RFTN1: variants seen among roughly 807,000 people sequenced by gnomAD.
RFTN1 encodes the protein raftlin, lipid raft linker 1.
In RFTN1, 26 loss-of-function variants were observed where a neutral mutation model predicts 46.5. The ratio of observed to expected loss-of-function variants is 0.56; its 90% CI spans 0.41 to 0.78. RFTN1 has a LOEUF of 0.78. Among genes scored for constraint, RFTN1 ranks in the 30% least tolerant of loss-of-function variants. The pLI, the probability that RFTN1 is intolerant of heterozygous loss-of-function variation, is 0.00. For missense variants in RFTN1, 693 were observed against 718.7 expected (o/e 0.96, Z 0.41); for synonymous variants, 261 against 284.2 (o/e 0.92, Z 0.82).
chr3:16,429,342 T>C lies in RFTN1; in HGVS notation c.332+4509A>G, dbSNP rs1405534484. Among the ~76,000 whole-genome samples the C allele has an allele frequency of 2.0e-5, 3 of 152,206 alleles. No homozygotes were observed. Among genetic ancestry groups the C allele is most frequent in the Non-Finnish European group, 4.4e-5 (3 of 68,028 alleles). ...TTAGACTGTCAACGATGCTCTCCAATTACTCAAATACTACTAGAAAACATT... is the reference window on the plus strand; with the variant it reads ...TTAGACTGTCAACGATGCTCTCCAACTACTCAAATACTACTAGAAAACATT... On this transcript the variant is annotated intron_variant, in intron 3 of 9. Transcript: ENST00000334133. The surrounding 1 kb of genome is among the most constrained non-coding windows in gnomAD (Gnocchi z 6.4).
At chr3:16,439,686 G>C (rs2075583522) in intron 2 of RFTN1, among the ~76,000 whole-genome samples, 1 of 152,188 alleles carries the variant, frequency 6.6e-6, no homozygotes. Context: ...GTGGGTGGCT[G>C]GAGTGAGGAA....
rs2073930676 is a variant in RFTN1 at position 16,380,005 on chromosome 3, T to G, written c.442-1903A>C. 6.6e-6 allele frequency among the ~76,000 whole-genome samples: 1 copy of G among 152,238 alleles called. No homozygotes were observed. Among genetic ancestry groups the G allele is most frequent in the African/African-American group, 2.4e-5 (1 of 41,470 alleles). On this transcript the variant is annotated intron_variant, in intron 4 of 9. Transcript: ENST00000334133. The surrounding 1 kb of genome is among the most constrained non-coding windows in gnomAD (Gnocchi z 4.8). ...ATGAGGAGACACCTGCACTAGCTTC[T>G]GCTATTACTCTCTTACTGCAGAGGA...
intron 7 of RFTN1, chr3:16,349,871 G>C (rs565183019): frequency 5.3e-5 from 8 of 152,222 alleles, no homozygotes; most frequent in South Asian, 2.1e-4. Flanking sequence ...AGCCCAGCAG[G>C]CTGGATATTC....
In RFTN1 at chr3:16,426,145, T is replaced by C. The variant is rs538340984; in HGVS notation, c.332+7706A>G. Among the ~76,000 whole-genome samples the C allele has an allele frequency of 3.9e-5, 6 of 152,284 alleles. No homozygotes were observed. Among genetic ancestry groups the C allele is most frequent in the Non-Finnish European group, 8.8e-5 (6 of 68,026 alleles). ...CACAGTAGCACGCATCAATCAGTGCTAAACCCACCGTTACTTTCTTCCCCA... is the reference window on the plus strand; with the variant it reads ...CACAGTAGCACGCATCAATCAGTGCCAAACCCACCGTTACTTTCTTCCCCA... On this transcript the variant is annotated intron_variant, in intron 3 of 9. Coordinates refer to ENST00000334133, the MANE Select transcript of RFTN1 (RefSeq NM_015150.2). The surrounding 1 kb of genome is among the most constrained non-coding windows in gnomAD (Gnocchi z 5.9).
chr3:16,363,640 C>T (rs936182857), intron 6 of RFTN1, among the ~76,000 whole-genome samples: 6 of 152,278 alleles, frequency 3.9e-5, no homozygotes, highest in Non-Finnish European at 7.3e-5. Context: ...TCGCCAAAGT[C>T]TAGCCTGAAT....
chr3:16,493,513 G>T (rs552988952), intron 2 of RFTN1, among the ~76,000 whole-genome samples: 7 of 152,270 alleles, frequency 4.6e-5, no homozygotes, highest in Non-Finnish European at 8.8e-5. Flanking sequence ...GATTACAGGC[G>T]TGAACCACTG....
intron 2 of RFTN1, among the ~76,000 whole-genome samples, chr3:16,435,306 C>T (rs1445436829): frequency 1.3e-5 from 2 of 152,206 alleles, no homozygotes; most frequent in African/African-American, 4.8e-5. Context: ...CAGTGGCTCA[C>T]GCCTGTTATC....
chr3:16,473,553 GC>G lies in RFTN1; in HGVS notation c.145+20171del, dbSNP rs1000239978. Reference sequence around the variant, plus strand: ...GGAGCTGGGACTACAGGCATGCACCGCCCTGCCTGGCTAATTTTTTTGTATT... The same window carrying G: ...GGAGCTGGGACTACAGGCATGCACCGCCTGCCTGGCTAATTTTTTTGTATT... On this transcript the variant is annotated intron_variant, in intron 2 of 9. Coordinates refer to ENST00000334133, the MANE Select transcript of RFTN1 (RefSeq NM_015150.2). The surrounding 1 kb of genome is among the most constrained non-coding windows in gnomAD (Gnocchi z 5.3). Among the ~76,000 whole-genome samples, 6 of 151,750 alleles carry G rather than the reference GC, an allele frequency of 4.0e-5. No individual in the cohort carries two copies. Among genetic ancestry groups the G allele is most frequent in the South Asian group, 2.1e-4 (1 of 4,794 alleles).
chr3:16,476,726 G>T (rs941108714), intron 2 of RFTN1, among the ~76,000 whole-genome samples: 3 of 152,186 alleles, frequency 2.0e-5, no homozygotes, highest in Non-Finnish European at 2.9e-5. Flanking sequence ...CAATGCCACA[G>T]TCGAAGGAGA....
chr3:16,377,770 C>T lies in RFTN1; in HGVS notation c.774G>A (p.Leu258=). ...CCAAGGGGTTGCTCTCCGGTCCATC[C>T]AGTGTCTTGCTCACCCCCTGTGGTG... ...ELSPQGVSKT[L]DGPESNPLEV... The change falls in exon 5 of 10, where the codon CTG becomes CTA. Residue 258 remains leucine (L), a synonymous_variant. Transcript: ENST00000334133. 1 of 1,613,576 alleles carries T rather than the reference C, an allele frequency of 6.2e-7. No individual in the cohort carries two copies. The highest frequency in any genetic ancestry group is 1.3e-5 in the African/African-American group (1 of 75,050).
At chr3:16,453,118 T>C (rs189688551) in intron 2 of RFTN1, among the ~76,000 whole-genome samples, 5 of 152,330 alleles carry the variant, frequency 3.3e-5, no homozygotes, top group African/African-American at 1.2e-4. Flanking sequence ...TATCTCCATT[T>C]TAAAGATGAG....
Position 16,400,051 on chromosome 3 carries a change from A to G in RFTN1, c.441+9324T>C, listed in dbSNP as rs1375756414. ...CCTGCAGCCATTCTGATCTTTCCAA[A>G]GTATACATTTAGGAATCATTCTCCA... is the stretch of plus-strand genomic sequence containing the variant. On this transcript the variant is annotated intron_variant, in intron 4 of 9. Transcript: ENST00000334133. The surrounding 1 kb of genome is among the most constrained non-coding windows in gnomAD (Gnocchi z 4.5). Among the ~76,000 whole-genome samples the G allele has an allele frequency of 6.6e-6, 1 of 152,102 alleles. No homozygotes were observed. The highest frequency in any genetic ancestry group is 1.5e-5 in the Non-Finnish European group (1 of 68,010).
chr3:16,378,621 G>T (rs2073874491), intron 4 of RFTN1, among the ~76,000 whole-genome samples: 1 of 152,104 alleles, frequency 6.6e-6, no homozygotes, highest in African/African-American at 2.4e-5. Flanking sequence ...GGCAGAGAAG[G>T]GCAGAGGTGG....
At chr3:16,350,414 A>C (rs1013473547) in intron 7 of RFTN1, 1 of 152,170 alleles carries the variant, frequency 6.6e-6, no homozygotes, top group Non-Finnish European at 1.5e-5. Flanking sequence ...GGGCATTTCA[A>C]ATTGTTAACA....
chr3:16,498,096 C>T lies in RFTN1; in HGVS notation c.-8-4219G>A, dbSNP rs2076652225. On this transcript the variant is annotated intron_variant, in intron 1 of 9. Transcript: ENST00000334133. This position sits in a 1 kb window ranked among gnomAD's most constrained non-coding sequence, Gnocchi z 5.2. Reference sequence around the variant, plus strand: ...TGATATCACAGGACATAAAGGGGCTCTGGGCAAATCATCCATGTGATCAGA... The same window carrying T: ...TGATATCACAGGACATAAAGGGGCTTTGGGCAAATCATCCATGTGATCAGA... Among the ~76,000 whole-genome samples, 1 of 152,170 alleles carries T rather than the reference C, an allele frequency of 6.6e-6. No individual in the cohort carries two copies. The highest frequency in any genetic ancestry group is 2.1e-4 in the South Asian group (1 of 4,832).
chr3:16,494,994 T>G (rs916482757), intron 1 of RFTN1, among the ~76,000 whole-genome samples: 2 of 151,994 alleles, frequency 1.3e-5, no homozygotes, highest in African/African-American at 2.4e-5. Flanking sequence ...AAAAACAAAC[T>G]GAACCTCAGA....
At position 16,440,570 on chromosome 3, in the gene RFTN1, A is replaced by G. The variant is rs1033029726; in HGVS notation, c.146-6533T>C. Among the ~76,000 whole-genome samples the G allele has an allele frequency of 6.6e-6, 1 of 152,080 alleles. No individual in the cohort carries two copies. Among genetic ancestry groups the G allele is most frequent in the African/African-American group, 2.4e-5 (1 of 41,380 alleles). The stretch of plus-strand genomic sequence containing the variant: ...AGGGCTTGGTGCAGATCCCAAAGCC[A>G]TTAACAGAGGTATCTGCAGGCCAGG... On this transcript the variant is annotated intron_variant, in intron 2 of 9. Transcript: ENST00000334133. The surrounding 1 kb of genome is among the most constrained non-coding windows in gnomAD (Gnocchi z 4.6).
chr3:16,324,757 C>CT (rs1406986879), intron 8 of RFTN1, among the ~76,000 whole-genome samples: 1 of 149,380 alleles, frequency 6.7e-6, no homozygotes, highest in Non-Finnish European at 1.5e-5. Flanking sequence ...CATTTCTTAG[C>CT]TGTTGTGAAT....
rs1481567433 is a variant in RFTN1 at position 16,321,349 on chromosome 3, C to A, written c.1332+2027G>T. On this transcript the variant is annotated intron_variant, in intron 9 of 9. Transcript: ENST00000334133. This position sits in a 1 kb window ranked among gnomAD's most constrained non-coding sequence, Gnocchi z 4.8. Reference sequence around the variant, plus strand: ...GGGGCTGGGTCTGAACCCTGAGGAACTTAGTGGGAAACCAGGAGAATGAGG... The same window carrying A: ...GGGGCTGGGTCTGAACCCTGAGGAAATTAGTGGGAAACCAGGAGAATGAGG... Among the ~76,000 whole-genome samples the A allele has an allele frequency of 6.6e-6, 1 of 152,098 alleles. No individual in the cohort carries two copies. Among genetic ancestry groups the A allele is most frequent in the Non-Finnish European group, 1.5e-5 (1 of 68,022 alleles).
Sources: allele counts gnomAD v4.1 joint callset (sites outside exome capture counted in the v4.1 genomes callset), GRCh38; gene constraint gnomAD v4.1.1; non-coding constraint Gnocchi (gnomAD v3.1); transcripts MANE v1.5; gene names NCBI Gene and HGNC (gene_info 2026-07-23, HGNC 2026-07-21).